The following ZBBX variants were observed in gnomAD, a reference collection of about 807,000 sequenced individuals.
ZBBX encodes the protein zinc finger B-box domain-containing protein 1.
In ZBBX, 101 loss-of-function variants were observed where a neutral mutation model predicts 108.5. The ratio of observed to expected loss-of-function variants is 0.93; its 90% CI spans 0.79 to 1.10. ZBBX has a LOEUF of 1.10. Among genes scored for constraint, ZBBX ranks in the 50% least tolerant of loss-of-function variants. The pLI is 0.00. For synonymous variants in ZBBX, 356 were observed against 323.4 expected (o/e 1.10, Z -1.08); for missense variants, 1,009 against 941.4 (o/e 1.07, Z -0.94).
chr3:167,404,129 T>C (rs1487879420), intron 1 of ZBBX, among the ~76,000 whole-genome samples: 1 of 152,134 alleles, frequency 6.6e-6, no homozygotes, highest in Non-Finnish European at 1.5e-5. Flanking sequence ...AGAGACCTGG[T>C]TCGGCTATAT....
intron 20 of ZBBX, among the ~76,000 whole-genome samples, chr3:167,244,163 G>A (rs574307973): frequency 1.3e-5 from 2 of 152,218 alleles, no homozygotes; most frequent in South Asian, 4.1e-4. Context: ...GCCATATAGT[G>A]GAAGAGCTGA....
downstream of ZBBX, among the ~76,000 whole-genome samples, chr3:167,238,438 G>T (rs1246614224): frequency 1.3e-5 from 2 of 151,980 alleles, no homozygotes; most frequent in Admixed American, 6.6e-5. Flanking sequence ...GTTTCAATAG[G>T]ATGCATTTTT....
intron 10 of ZBBX, among the ~76,000 whole-genome samples, chr3:167,331,135 T>C (rs1455421205): frequency 6.6e-6 from 1 of 151,714 alleles, no homozygotes; most frequent in African/African-American, 2.4e-5. Context: ...AAATTTCTCT[T>C]GTTTAAACCG....
At chr3:167,251,951 C>CACACACACACACACACAA (rs1158275032) in intron 20 of ZBBX, among the ~76,000 whole-genome samples, 2 of 151,752 alleles carry the variant, frequency 1.3e-5, no homozygotes, top group African/African-American at 4.9e-5. Flanking sequence ...CACACACACA[C>CACACACACACACACACAA]ACACACACAT....
chr3:167,282,305 A>G lies in ZBBX; in HGVS notation c.2187T>C (p.Asp729=), dbSNP rs551704248. 2.0e-4 allele frequency: 320 copies of G among 1,614,026 alleles called. 6 individuals carry two copies. The South Asian group carries it at 3.3e-3, about 17-fold the overall frequency. Residue 729 remains aspartate, a synonymous_variant, in exon 20 of 22, where the codon GAT becomes GAC. Coordinates refer to ENST00000675490, the MANE Select transcript of ZBBX (RefSeq NM_001199201.2). ...DITDQNELSL[D]DTTDQHTLDN... ...CTAAAGTATGTTGATCAGTAGTGTC[A>G]TCTAAGGAAAGCTCATTCTGGTCAG...
At chr3:167,257,589 T>C (rs568305882) in intron 20 of ZBBX, among the ~76,000 whole-genome samples, 1 of 152,264 alleles carries the variant, frequency 6.6e-6, no homozygotes, top group East Asian at 1.9e-4. Context: ...GTTTTCATCA[T>C]GGAGGGACGT....
At chr3:167,298,509 C>G (rs1732059936) in intron 17 of ZBBX, 51 bp from the exon 18 acceptor site, 2 of 1,313,914 alleles carry the variant, frequency 1.5e-6, no homozygotes, top group Admixed American at 5.1e-5. Context: ...TTAACACAAA[C>G]AAGCATATTC....
chr3:167,284,545 A>G (rs1371666788), intron 19 of ZBBX, among the ~76,000 whole-genome samples: 2 of 152,196 alleles, frequency 1.3e-5, no homozygotes, highest in Admixed American at 6.5e-5. Flanking sequence ...CTGCCAATTC[A>G]CAGAAATGAA....
chr3:167,243,632 G>A (rs1209121122), intron 20 of ZBBX, among the ~76,000 whole-genome samples: 1 of 151,712 alleles, frequency 6.6e-6, no homozygotes, highest in Non-Finnish European at 1.5e-5. Flanking sequence ...TCCTGACCTC[G>A]TGATCTGCCC....
At chr3:167,256,665 T>A (rs1227314156) in intron 20 of ZBBX, among the ~76,000 whole-genome samples, 1 of 147,820 alleles carries the variant, frequency 6.8e-6, no homozygotes, top group African/African-American at 2.5e-5. Flanking sequence ...CTATTTTCTA[T>A]CTCAATGAGT....
chr3:167,290,952 A>G (rs1730579370), intron 18 of ZBBX, among the ~76,000 whole-genome samples: 1 of 152,168 alleles, frequency 6.6e-6, no homozygotes, highest in Non-Finnish European at 1.5e-5. Flanking sequence ...GGAAGAAAGT[A>G]TATCAGAGAT....
intron 8 of ZBBX, among the ~76,000 whole-genome samples, chr3:167,352,987 T>A (rs1742936135): frequency 6.6e-6 from 1 of 152,054 alleles, no homozygotes; most frequent in East Asian, 1.9e-4. Context: ...ATAATAAAAG[T>A]CATAAGACAA....
At chr3:167,218,550 G>A in the ZBBX span, among the ~76,000 whole-genome samples, 6 of 151,994 alleles carry the variant, frequency 3.9e-5, no homozygotes, top group African/African-American at 7.2e-5. Context: ...CTCTTAAGTC[G>A]TCATCAGTTT....
intron 6 of ZBBX, among the ~76,000 whole-genome samples, chr3:167,363,672 T>A (rs894981343): frequency 6.6e-6 from 1 of 152,070 alleles, no homozygotes; most frequent in Non-Finnish European, 1.5e-5. Flanking sequence ...GCCCACATCA[T>A]CTTGACAATT....
chr3:167,317,636 T>C (rs1735682998), intron 12 of ZBBX, 39 bp from the exon 13 acceptor site: 1 of 1,411,396 alleles, frequency 7.1e-7, no homozygotes, highest in Non-Finnish European at 9.8e-7. Context: ...GACTGAAATA[T>C]ATTACCTGAA....
intron 1 of ZBBX, among the ~76,000 whole-genome samples, chr3:167,394,668 A>G (rs1748176931): frequency 6.6e-6 from 1 of 151,946 alleles, no homozygotes; most frequent in East Asian, 1.9e-4. Context: ...GATTCATTCT[A>G]ATAGATGCTA....
intron 20 of ZBBX, among the ~76,000 whole-genome samples, chr3:167,262,429 A>G (rs1012466683): frequency 7.2e-5 from 11 of 152,194 alleles, no homozygotes; most frequent in Admixed American, 2.0e-4. Flanking sequence ...AACACTTTCA[A>G]TAGGATTGGT....
chr3:167,209,179 T>G, the ZBBX span, among the ~76,000 whole-genome samples: 1 of 148,144 alleles, frequency 6.8e-6, no homozygotes, highest in East Asian at 1.9e-4. Flanking sequence ...CTAAGGTTTC[T>G]GACTTCAGCC....
chr3:167,393,557 T>G lies in ZBBX; in HGVS notation c.-445-13152A>C, dbSNP rs181057744. ...AAGAAATAAAGTAATAATGTTATCT[T>G]GCAGAATGTTAATAAATATTTTCTT... On this transcript the variant is annotated intron_variant, in intron 1 of 21. Transcript: ENST00000455345. Among the ~76,000 whole-genome samples, 61 of 152,028 alleles carry G rather than the reference T, an allele frequency of 4.0e-4. 1 individual carries two copies. The highest frequency in any genetic ancestry group is 5.9e-5 in the Non-Finnish European group (4 of 67,858).
Sources: gnomAD v4.1 joint callset for allele counts (sites outside exome capture counted in the v4.1 genomes callset) on GRCh38, gnomAD v4.1.1 for gene constraint, MANE v1.5 for transcripts, NCBI Gene and HGNC (gene_info 2026-07-23, HGNC 2026-07-21) for gene names.